Variants in PIWIL2 observed in about 807,000 individuals in gnomAD.
PIWIL2 encodes piwi like RNA-mediated gene silencing 2.
In PIWIL2, 81 loss-of-function variants were observed where a neutral mutation model predicts 116.5. The observed-to-expected ratio is 0.70, with a 90% CI of 0.58 to 0.84. The LOEUF (loss-of-function observed/expected upper bound fraction) is 0.84. Among genes scored for constraint, PIWIL2 ranks in the 40% least tolerant of loss-of-function variants. The probability of loss-of-function intolerance (pLI) is 0.00; values close to 1 mark genes in which losing one functional copy is unlikely to be tolerated. For synonymous variants in PIWIL2, 489 were observed against 429.5 expected, an observed-to-expected ratio of 1.14 and a Z score of -1.71; for missense variants, 1,272 against 1,212.3, an observed-to-expected ratio of 1.05 and a Z score of -0.73.
At chr8:22,354,905 A>G in intron 22 of PIWIL2, among the ~76,000 whole-genome samples, 1 of 152,166 alleles carries the variant, frequency 6.6e-6, no homozygotes, top group Admixed American at 6.6e-5. Context: ...CCCTGTCTCT[A>G]CTAAAAATAG....
chr8:22,324,235 C>T (rs1433437368), intron 20 of PIWIL2, among the ~76,000 whole-genome samples: 2 of 152,232 alleles, frequency 1.3e-5, no homozygotes, highest in Non-Finnish European at 2.9e-5. Context: ...GCGCTCCAGT[C>T]TGGGCGACAA....
rs116339645 is a variant in PIWIL2 at position 22,333,139 on chromosome 8, T to C, written c.2403+14864T>C. Among the ~76,000 whole-genome samples, 888 of 152,198 alleles carry C rather than the reference T, an allele frequency of 5.8e-3. 10 individuals are homozygous for C. Among genetic ancestry groups the C allele is most frequent in the African/African-American group, 0.02 (849 of 41,480 alleles). On this transcript the variant is annotated intron_variant, in intron 20 of 22. Transcript: ENST00000356766. ...GATATGCTATAGATGTTGTACTCTCTAGGGTAACTACGAAAGGAAGAATAA... is the reference window on the plus strand; with the variant it reads ...GATATGCTATAGATGTTGTACTCTCCAGGGTAACTACGAAAGGAAGAATAA...
At chr8:22,300,859 T>G (rs558771118) in intron 10 of PIWIL2, among the ~76,000 whole-genome samples, 1 of 152,370 alleles carries the variant, frequency 6.6e-6, no homozygotes, top group South Asian at 2.1e-4. Context: ...TTGTTTTTAC[T>G]GAGTTGTGCA....
chr8:22,333,112 T>G (rs557404890), intron 20 of PIWIL2, among the ~76,000 whole-genome samples: 27 of 152,250 alleles, frequency 1.8e-4, no homozygotes, highest in African/African-American at 6.3e-4. Context: ...ACGTTACACT[T>G]TGATATGCTA....
intron 22 of PIWIL2, among the ~76,000 whole-genome samples, chr8:22,355,028 C>T (rs754072906): frequency 1.3e-5 from 2 of 151,464 alleles, no homozygotes; most frequent in Non-Finnish European, 2.9e-5. Flanking sequence ...AGAGATTGTG[C>T]CATTGCACTC....
At chr8:22,323,257 T>C (rs1831647358) in intron 20 of PIWIL2, among the ~76,000 whole-genome samples, 1 of 151,224 alleles carries the variant, frequency 6.6e-6, no homozygotes, top group Non-Finnish European at 1.5e-5. Context: ...AAGCAATTCT[T>C]CTGCCTCAGC....
intron 13 of PIWIL2, among the ~76,000 whole-genome samples, chr8:22,307,269 G>C (rs1275067492): frequency 6.6e-6 from 1 of 151,696 alleles, no homozygotes; most frequent in Non-Finnish European, 1.5e-5. Flanking sequence ...TGATCTGCCT[G>C]TCTTGGCCTC....
intron 14 of PIWIL2, among the ~76,000 whole-genome samples, chr8:22,309,505 A>C (rs535272059): frequency 1.3e-5 from 2 of 151,438 alleles, no homozygotes; most frequent in South Asian, 4.2e-4. Context: ...CACCCAGCTA[A>C]TTTTTGTATT....
chr8:22,283,261 T>A, intron 5 of PIWIL2, 21 bp downstream of exon 5: 1 of 1,569,100 alleles, frequency 6.4e-7, no homozygotes, highest in Non-Finnish European at 8.8e-7. Flanking sequence ...AGCACTGCCT[T>A]CTCTACTTAG....
intron 20 of PIWIL2, among the ~76,000 whole-genome samples, chr8:22,338,924 T>A (rs896909740): frequency 6.6e-6 from 1 of 152,176 alleles, no homozygotes; most frequent in African/African-American, 2.4e-5. Context: ...TCACAGTTTC[T>A]AATTTCAGAA....
intron 4 of PIWIL2, 80 bp from the exon 5 acceptor site, chr8:22,282,954 A>T: frequency 9.2e-7 from 1 of 1,091,096 alleles, no homozygotes; most frequent in Admixed American, 1.7e-5. Flanking sequence ...CCAGGAAGAG[A>T]TTGTGGAGTT....
At position 22,283,238 on chromosome 8, in the gene PIWIL2, A is replaced by C. The variant is rs1335797050; in HGVS notation, c.630A>C (p.Glu210Asp). The part of the protein sequence containing the change: ...RPLVLTVEHK[E>D]KELIVKQGSK... The stretch of plus-strand genomic sequence containing the variant: ...TGGTCCTGACTGTGGAACACAAGGA[A>C]AAGTAAGTCAGGAGCACTGCCTTCT... Residue 210 changes from glutamate to aspartate, a missense_variant and splice_region_variant, in exon 5 of 23, where the codon GAA becomes GAC. Transcript: ENST00000356766. 2 of 1,611,676 alleles carry C rather than the reference A, an allele frequency of 1.2e-6. No individual in the cohort carries two copies. The highest frequency in any genetic ancestry group is 1.7e-6 in the Non-Finnish European group (2 of 1,178,100).
chr8:22,298,424 C>G (rs1231266877), intron 10 of PIWIL2, among the ~76,000 whole-genome samples: 4 of 152,166 alleles, frequency 2.6e-5, no homozygotes, highest in African/African-American at 4.8e-5. Flanking sequence ...GATTGGCTTA[C>G]ATAAAGACCT....
In PIWIL2 at chr8:22,311,199, G is replaced by A. The variant is rs78530977; in HGVS notation, c.1888G>A (p.Gly630Ser). ...GGTCAACATGTTGGAGAAGATAGCC[G>A]GCCCCATTGGCATGCGTATGAGCCC... is the stretch of plus-strand genomic sequence containing the variant. ...ELVNMLEKIA[G>S]PIGMRMSPPA... Residue 630 changes from glycine to serine, a missense_variant, in exon 16 of 23, where the codon GGC becomes AGC. Coordinates refer to ENST00000356766, the MANE Select transcript of PIWIL2 (RefSeq NM_018068.5). The A allele has an allele frequency of 1.1e-3, 1,768 of 1,614,106 alleles. 12 individuals carry two copies. In the African/African-American group the frequency reaches 0.02, roughly 19 times the overall value.
chr8:22,308,196 A>ATTT, intron 14 of PIWIL2, 123 bp downstream of exon 14: 3 of 725,746 alleles, frequency 4.1e-6, no homozygotes, highest in Non-Finnish European at 6.2e-6. Context: ...TATTTTTCTA[A>ATTT]GTTTTTTTTT....
chr8:22,335,537 AAT>A, intron 20 of PIWIL2, among the ~76,000 whole-genome samples: 1 of 147,066 alleles, frequency 6.8e-6, no homozygotes, highest in Admixed American at 7.5e-5. Flanking sequence ...TATCAGACAA[AAT>A]AGACTTTTTT....
At chr8:22,287,504 A>T in intron 6 of PIWIL2, 24 bp from the exon 7 acceptor site, 1 of 1,491,744 alleles carries the variant, frequency 6.7e-7, no homozygotes, top group Non-Finnish European at 9.4e-7. Flanking sequence ...AAGTTAAAGG[A>T]AAATCCTCTT....
At chr8:22,330,125 ATT>A (rs1364512200) in intron 20 of PIWIL2, among the ~76,000 whole-genome samples, 1 of 151,864 alleles carries the variant, frequency 6.6e-6, no homozygotes, top group African/African-American at 2.4e-5. Flanking sequence ...GGCTGTCTTC[ATT>A]TTTCTTTCTT....
intron 7 of PIWIL2, among the ~76,000 whole-genome samples, 190 bp from the exon 8 acceptor site, chr8:22,288,352 C>G (rs904778842): frequency 2.0e-5 from 3 of 151,094 alleles, no homozygotes; most frequent in African/African-American, 7.3e-5. Flanking sequence ...ATTCTCTTAC[C>G]AAATCATTTT....
Sources: allele counts gnomAD v4.1 joint callset (sites outside exome capture counted in the v4.1 genomes callset), GRCh38; gene constraint gnomAD v4.1.1; transcripts MANE v1.5; gene names NCBI Gene and HGNC (gene_info 2026-07-23, HGNC 2026-07-21).